UGCG: variants seen among roughly 807,000 people sequenced by gnomAD.
UGCG encodes the protein ceramide glucosyltransferase.
UGCG carries 10 observed loss-of-function variants against 49.5 expected under a neutral mutation model. The ratio of observed to expected loss-of-function variants is 0.20; its 90% confidence interval spans 0.12 to 0.34. UGCG has a LOEUF of 0.34. Ranked by LOEUF, UGCG falls within the 10% of genes least tolerant of loss-of-function variation. The pLI is 1.00. For synonymous variants in UGCG, 182 were observed against 158.2 expected (o/e 1.15, Z -1.13); for missense variants, 312 against 483.7 (o/e 0.65, Z 3.33).
chr9:111,926,104 G>A (rs1838308136), intron 4 of UGCG, among the ~76,000 whole-genome samples: 1 of 152,168 alleles, frequency 6.6e-6, no homozygotes, highest in Admixed American at 6.6e-5. Context: ...AGTTCCAACA[G>A]GGGGTAACTT....
intron 1 of UGCG, among the ~76,000 whole-genome samples, chr9:111,897,727 C>G (rs3780516): frequency 0.26 from 39,311 of 151,380 alleles, 6,737 homozygotes; most frequent in East Asian, 0.45. Context: ...GGGAGCTGCT[C>G]ACAGCTATCT....
In UGCG at chr9:111,934,521, C is replaced by T. The variant is rs1275429281; in HGVS notation, c.*1524C>T. ...GGCAGCTTTAAATTCTGAGTTACTA[C>T]AGTCTCCATGTCAAAGCATAATGTG... On this transcript the variant is annotated 3_prime_UTR_variant, in exon 9 of 9. Coordinates refer to ENST00000374279, the MANE Select transcript of UGCG (RefSeq NM_003358.3). 2 of 152,182 alleles carry T rather than the reference C, an allele frequency of 1.3e-5. No homozygotes were observed. Among genetic ancestry groups the T allele is most frequent in the African/African-American group, 4.8e-5 (2 of 41,440 alleles). 9.4% of individuals were successfully genotyped at this position (152,182 alleles called of 1,614,324 possible).
At chr9:111,913,272 C>T (rs976033989) in intron 1 of UGCG, among the ~76,000 whole-genome samples, 1 of 152,110 alleles carries the variant, frequency 6.6e-6, no homozygotes, top group African/African-American at 2.4e-5. Flanking sequence ...TAATTACTGT[C>T]GAATGCTTGG....
chr9:111,929,205 A>G (rs570155751), intron 5 of UGCG: 17 of 266,032 alleles, frequency 6.4e-5, no homozygotes. Flanking sequence ...TTACATGAAC[A>G]CCCTAAAAAC....
Position 111,932,960 on chromosome 9 carries a change from G to A in UGCG, c.1148G>A (p.Arg383His), listed in dbSNP as rs369969849. The A allele has an allele frequency of 2.1e-5, 34 of 1,609,010 alleles. No individual in the cohort carries two copies. Among genetic ancestry groups the A allele is most frequent in the East Asian group, 8.9e-5 (4 of 44,778 alleles). ...ISWRTGRYRL[R>H]CGGTAEEILD... ...TGGAGAACTGGTCGCTACAGATTACGCTGTGGGGGTACAGCAGAGGAAATC... is the reference window on the plus strand; with the variant it reads ...TGGAGAACTGGTCGCTACAGATTACACTGTGGGGGTACAGCAGAGGAAATC... The change falls in exon 9 of 9, where the codon CGC (arginine) becomes CAC (histidine). Residue 383 changes from arginine to histidine, a missense_variant. By Grantham distance (29) the Arg-to-His change is conservative. Coordinates refer to ENST00000374279, the MANE Select transcript of UGCG (RefSeq NM_003358.3).
chr9:111,896,832 G>C lies in UGCG; in HGVS notation c.-384G>C, dbSNP rs1446318651. 6.6e-6 allele frequency: 1 copy of C among 152,298 alleles called. No homozygotes were observed. Among genetic ancestry groups the C allele is most frequent in the African/African-American group, 2.4e-5 (1 of 41,380 alleles). The allele number at this position is 152,298 out of a possible 1,614,324, so 9.4% of individuals were successfully genotyped here. On this transcript the variant is annotated 5_prime_UTR_variant, in exon 1 of 9. Transcript: ENST00000374279. ...TTTGATTAGTGCGCGGAGCTGCGGC[G>C]GTGGAGCTGCTCGGCCGGGAGCCCG...
intron 1 of UGCG, among the ~76,000 whole-genome samples, chr9:111,901,971 G>A (rs1455689222): frequency 6.6e-6 from 1 of 152,172 alleles, no homozygotes; most frequent in Non-Finnish European, 1.5e-5. Context: ...TTGCCTCCGG[G>A]TTACAGTTCA....
intron 2 of UGCG, 165 bp from the exon 3 acceptor site, chr9:111,922,684 A>G: frequency 2.3e-6 from 1 of 427,828 alleles, no homozygotes; most frequent in Admixed American, 4.4e-5. Flanking sequence ...CCATTAAAGC[A>G]ACACTTGTTA....
chr9:111,932,703 A>G, intron 8 of UGCG, 124 bp from the exon 9 acceptor site: 5 of 911,896 alleles, frequency 5.5e-6, no homozygotes, highest in African/African-American at 1.7e-5. Context: ...GTTAAATTAC[A>G]TAAGGAAGCA....
intron 2 of UGCG, among the ~76,000 whole-genome samples, chr9:111,922,005 GCCTCGCCTTT>G (rs1838230847): frequency 6.6e-6 from 1 of 151,374 alleles, no homozygotes; most frequent in African/African-American, 2.4e-5. Flanking sequence ...TAGAGACAGG[GCCTCGCCTTT>G]TTGCCCAGGC....
rs1838487297 is a variant in UGCG at position 111,934,729 on chromosome 9, T to C, written c.*1732T>C. On this transcript the variant is annotated 3_prime_UTR_variant, in exon 9 of 9. Coordinates refer to ENST00000374279, the MANE Select transcript of UGCG (RefSeq NM_003358.3). Reference sequence around the variant, plus strand: ...GCTTCATCCTTTTTTCTTTCTTTTTTTTTTTTTTTAGCCTTATGATGAATT... The same window carrying C: ...GCTTCATCCTTTTTTCTTTCTTTTTCTTTTTTTTTAGCCTTATGATGAATT... The C allele has an allele frequency of 6.6e-6, 1 of 152,160 alleles. No individual in the cohort carries two copies. Among genetic ancestry groups the C allele is most frequent in the African/African-American group, 2.4e-5 (1 of 41,532 alleles). 9.4% of individuals were successfully genotyped at this position (152,160 alleles called of 1,614,324 possible). A position where few individuals can be genotyped will look rare whatever the true frequency, so the allele number is the denominator to read the frequency against.
chr9:111,923,946 C>T lies in UGCG; in HGVS notation c.344-831C>T, dbSNP rs188598579. 3.9e-3 allele frequency among the ~76,000 whole-genome samples: 599 copies of T among 152,058 alleles called. 7 individuals are homozygous for T. Among genetic ancestry groups the T allele is most frequent in the African/African-American group, 0.014 (582 of 41,474 alleles). The stretch of plus-strand genomic sequence containing the variant: ...CTGGGATTACAGTCAGGCACCACCA[C>T]GCTCAGCTAATTTTTTTGTATTTTT... On this transcript the variant is annotated intron_variant, in intron 3 of 8. Transcript: ENST00000374279.
At chr9:111,901,046 G>A (rs1837760851) in intron 1 of UGCG, among the ~76,000 whole-genome samples, 1 of 151,932 alleles carries the variant, frequency 6.6e-6, no homozygotes. Flanking sequence ...AAACTCCTGG[G>A]CTCAAGTGAT....
At chr9:111,911,865 A>C (rs997255586) in intron 1 of UGCG, among the ~76,000 whole-genome samples, 1 of 145,130 alleles carries the variant, frequency 6.9e-6, no homozygotes, top group Admixed American at 7.0e-5. Context: ...CAGCCTGAGC[A>C]ACGGAGCAAG....
In UGCG at chr9:111,929,533, A is replaced by C. The variant is rs749305670; in HGVS notation, c.592A>C (p.Ile198Leu). ...YFGTSHPRYYISANVTGFKCV... is the reference protein window; with the variant it reads ...YFGTSHPRYYLSANVTGFKCV... ...TGGAACTTCACATCCAAGATACTAT[A>C]TCTCTGCCAATGTAACTGGTTTCAA... Residue 198 changes from isoleucine (I) to leucine (L), a missense_variant, in exon 6 of 9, where the codon ATC becomes CTC. By Grantham distance (5) the Ile-to-Leu change is conservative (BLOSUM62 2). Transcript: ENST00000374279. 6.2e-7 allele frequency: 1 copy of C among 1,613,810 alleles called. No individual in the cohort carries two copies. The highest frequency in any genetic ancestry group is 8.5e-7 in the Non-Finnish European group (1 of 1,179,982).
intron 4 of UGCG, among the ~76,000 whole-genome samples, chr9:111,925,258 G>A (rs766837059): frequency 6.6e-6 from 1 of 152,134 alleles, no homozygotes; most frequent in Non-Finnish European, 1.5e-5. Flanking sequence ...ATTAATAGGT[G>A]CATATTTTAC....
At chr9:111,899,305 A>G (rs891225636) in intron 1 of UGCG, among the ~76,000 whole-genome samples, 17 of 152,240 alleles carry the variant, frequency 1.1e-4, no homozygotes, top group African/African-American at 3.9e-4. Flanking sequence ...AGTCCTGGTA[A>G]CATTGTATGA....
At chr9:111,908,380 A>G (rs1031477359) in intron 1 of UGCG, among the ~76,000 whole-genome samples, 5 of 152,222 alleles carry the variant, frequency 3.3e-5, no homozygotes, top group Non-Finnish European at 7.3e-5. Context: ...AAAGCCAGCA[A>G]AACTAGTCTG....
intron 1 of UGCG, among the ~76,000 whole-genome samples, chr9:111,902,333 C>T (rs988265315): frequency 3.3e-5 from 5 of 152,086 alleles, no homozygotes; most frequent in Non-Finnish European, 5.9e-5. Flanking sequence ...GGTTATTTTA[C>T]CTTCTGTGAG....
Sources: allele counts gnomAD v4.1 joint callset (sites outside exome capture counted in the v4.1 genomes callset), GRCh38; gene constraint gnomAD v4.1.1; transcripts MANE v1.5; gene names NCBI Gene and HGNC (gene_info 2026-07-23, HGNC 2026-07-21).